KCNU1: variants seen among roughly 807,000 people sequenced by gnomAD.
KCNU1 encodes the protein potassium calcium-activated channel subfamily U member 1.
In KCNU1, 93 loss-of-function variants were observed where a neutral mutation model predicts 126.8. The observed-to-expected ratio is 0.73, with a 90% CI of 0.62 to 0.87. KCNU1 has a LOEUF of 0.87. Ranked by LOEUF, KCNU1 falls within the 40% of genes least tolerant of loss-of-function variation. The pLI is 0.00. For synonymous variants in KCNU1, 523 were observed against 494.2 expected, an observed-to-expected ratio of 1.06 and a Z score of -0.77; for missense variants, 1,330 against 1,367.1, an observed-to-expected ratio of 0.97 and a Z score of 0.43.
chr8:36,810,538 A>G (rs1021845365), intron 7 of KCNU1, among the ~76,000 whole-genome samples: 1 of 152,244 alleles, frequency 6.6e-6, no homozygotes, highest in African/African-American at 2.4e-5. Flanking sequence ...TAGAAAAGCT[A>G]TATCCCAGAG....
intron 18 of KCNU1, among the ~76,000 whole-genome samples, chr8:36,857,554 C>G (rs1212909725): frequency 6.6e-6 from 1 of 152,156 alleles, no homozygotes; most frequent in Non-Finnish European, 1.5e-5. Flanking sequence ...TCTGCCCTTA[C>G]TAAGATTTAG....
At chr8:36,856,676 G>A (rs1463831833) in intron 18 of KCNU1, among the ~76,000 whole-genome samples, 1 of 152,142 alleles carries the variant, frequency 6.6e-6, no homozygotes, top group Non-Finnish European at 1.5e-5. Flanking sequence ...GACTACACTA[G>A]CAGGCTGCCT....
At chr8:36,928,961 T>C (rs1451243668) in intron 24 of KCNU1, 2 of 696,784 alleles carry the variant, frequency 2.9e-6, no homozygotes, top group East Asian at 2.7e-5. Context: ...ATGATCCAGA[T>C]ACATGAGAAG....
At chr8:36,915,617 G>A (rs1182655612) in intron 22 of KCNU1, among the ~76,000 whole-genome samples, 2 of 152,168 alleles carry the variant, frequency 1.3e-5, no homozygotes, top group Non-Finnish European at 2.9e-5. Flanking sequence ...AGCCAGCAAG[G>A]AACTTGGATT....
chr8:36,822,817 G>A (rs1394332159), intron 10 of KCNU1, among the ~76,000 whole-genome samples: 1 of 152,138 alleles, frequency 6.6e-6, no homozygotes, highest in Non-Finnish European at 1.5e-5. Flanking sequence ...CTCTTTCCTT[G>A]AGTAATTTGT....
chr8:36,791,452 T>C (rs185342509), intron 2 of KCNU1, among the ~76,000 whole-genome samples: 15 of 152,340 alleles, frequency 9.8e-5, no homozygotes, highest in Non-Finnish European at 1.9e-4. Flanking sequence ...ATTCTGTTTT[T>C]CTGGCTTCTC....
At chr8:36,785,736 C>T (rs982899263) in intron 1 of KCNU1, among the ~76,000 whole-genome samples, 4 of 152,114 alleles carry the variant, frequency 2.6e-5, no homozygotes, top group Non-Finnish European at 4.4e-5. Flanking sequence ...TGTTAATGCA[C>T]AACTGAATTT....
intron 19 of KCNU1, among the ~76,000 whole-genome samples, chr8:36,905,320 T>C (rs980460126): frequency 2.6e-5 from 4 of 152,170 alleles, no homozygotes; most frequent in South Asian, 2.1e-4. Context: ...TCACCCATGA[T>C]TGAATCTCTC....
At chr8:36,913,184 A>G (rs1807955383) in intron 22 of KCNU1, among the ~76,000 whole-genome samples, 1 of 151,986 alleles carries the variant, frequency 6.6e-6, no homozygotes, top group South Asian at 2.1e-4. Context: ...TGATTTTCCT[A>G]CTTTATTCAT....
At chr8:36,914,840 C>A (rs6468384) in intron 22 of KCNU1, among the ~76,000 whole-genome samples, 88,201 of 152,004 alleles carry the variant, frequency 0.58, 25,668 homozygotes, top group South Asian at 0.63. Context: ...TTAAATGTAC[C>A]GAAGTAATCT....
chr8:36,823,966 T>C (rs1022621101), intron 10 of KCNU1, among the ~76,000 whole-genome samples: 2 of 151,742 alleles, frequency 1.3e-5, no homozygotes, highest in African/African-American at 4.8e-5. Flanking sequence ...GCCTCCCAAG[T>C]AGCTGGGATT....
chr8:36,904,881 C>A (rs1208032330), intron 19 of KCNU1, among the ~76,000 whole-genome samples: 6 of 152,074 alleles, frequency 3.9e-5, no homozygotes, highest in Admixed American at 3.3e-4. Flanking sequence ...AAGAAGTAAG[C>A]TGTGTTGTGT....
At chr8:36,864,645 C>A in intron 19 of KCNU1, 124 bp downstream of exon 19, 1 of 638,564 alleles carries the variant, frequency 1.6e-6, no homozygotes, top group Non-Finnish European at 2.8e-6. Context: ...AATTGTTCCT[C>A]CCCAAAATGA....
chr8:36,838,865 A>T lies in KCNU1; in HGVS notation c.1519-1598A>T, dbSNP rs538111820. Reference sequence around the variant, plus strand: ...GTGAAGTCTGAAACCTACTTTCAGGAATCCTCACTGAACAGCATCAGGCAA... The same window carrying T: ...GTGAAGTCTGAAACCTACTTTCAGGTATCCTCACTGAACAGCATCAGGCAA... On this transcript the variant is annotated intron_variant, in intron 14 of 26. Transcript: ENST00000399881. Among the ~76,000 whole-genome samples the T allele has an allele frequency of 7.9e-5, 12 of 152,318 alleles. No homozygotes were observed. In the East Asian group the frequency reaches 2.3e-3, roughly 29 times the overall value.
chr8:36,806,063 C>T (rs889457033), intron 4 of KCNU1, among the ~76,000 whole-genome samples: 6 of 152,082 alleles, frequency 3.9e-5, no homozygotes, highest in African/African-American at 9.7e-5. Flanking sequence ...AGGCTGGTCT[C>T]AAACTCCTGA....
At chr8:36,902,042 T>C (rs1807439873) in intron 19 of KCNU1, among the ~76,000 whole-genome samples, 1 of 152,158 alleles carries the variant, frequency 6.6e-6, no homozygotes, top group Non-Finnish European at 1.5e-5. Context: ...ATGAGGATCA[T>C]GACATTTGCA....
intron 10 of KCNU1, among the ~76,000 whole-genome samples, chr8:36,820,565 C>T (rs928390230): frequency 1.3e-5 from 2 of 149,108 alleles, no homozygotes; most frequent in African/African-American, 2.5e-5. Context: ...AAAAGAAAGT[C>T]ATTTACTCTA....
At chr8:36,883,878 T>G (rs1806587716) in intron 19 of KCNU1, among the ~76,000 whole-genome samples, 1 of 152,214 alleles carries the variant, frequency 6.6e-6, no homozygotes, top group South Asian at 2.1e-4. Flanking sequence ...TCATAAATCC[T>G]CTTCCTTCTC....
chr8:36,824,060 C>T (rs977117509), intron 10 of KCNU1, among the ~76,000 whole-genome samples: 2 of 152,138 alleles, frequency 1.3e-5, no homozygotes, highest in African/African-American at 4.8e-5. Context: ...TGGTCTTGAA[C>T]TCCTGACCTC....
Sources: allele counts gnomAD v4.1 joint callset (sites outside exome capture counted in the v4.1 genomes callset), GRCh38; gene constraint gnomAD v4.1.1; transcripts MANE v1.5; gene names NCBI Gene and HGNC (gene_info 2026-07-23, HGNC 2026-07-21).